The following BMPR1B variants were observed in gnomAD, a reference collection of about 807,000 sequenced individuals.
The protein encoded by BMPR1B is bone morphogenetic protein receptor type 1B, also known as bone morphogenetic protein receptor type-1B.
Under a neutral mutation model 59.1 loss-of-function variants are expected in BMPR1B, and 12 were observed. The ratio of observed to expected loss-of-function variants is 0.20; its 90% confidence interval spans 0.13 to 0.33. The LOEUF (loss-of-function observed/expected upper bound fraction) is 0.33, where lower values mean the gene tolerates loss of function less well. Among genes scored for constraint, BMPR1B ranks in the 10% least tolerant of loss-of-function variants. The pLI, the probability that BMPR1B is intolerant of heterozygous loss-of-function variation, is 1.00. For synonymous variants in BMPR1B, 237 were observed against 207.3 expected (o/e 1.14, Z -1.23); for missense variants, 550 against 610.9 (o/e 0.90, Z 1.05).
At chr4:95,074,659 A>T (rs898669493) in intron 3 of BMPR1B, among the ~76,000 whole-genome samples, 3 of 152,152 alleles carry the variant, frequency 2.0e-5, no homozygotes, top group Admixed American at 1.3e-4. Context: ...ATATATATTC[A>T]GTCACTTTCA....
chr4:95,082,789 A>T (rs1729260947), intron 3 of BMPR1B, among the ~76,000 whole-genome samples: 1 of 152,166 alleles, frequency 6.6e-6, no homozygotes, highest in South Asian at 2.1e-4. Context: ...CTGTAATCCC[A>T]GCACTTTGGG....
chr4:94,966,536 G>GA (rs1190357064), intron 2 of BMPR1B, among the ~76,000 whole-genome samples: 2 of 151,922 alleles, frequency 1.3e-5, no homozygotes, highest in South Asian at 2.1e-4. Context: ...AAAGAATAAA[G>GA]AAAAAAATGC....
chr4:95,079,123 C>T (rs966834305), intron 3 of BMPR1B, among the ~76,000 whole-genome samples: 1 of 152,158 alleles, frequency 6.6e-6, no homozygotes. Context: ...TAGAAAAACC[C>T]AGCTGTATTT....
intron 1 of BMPR1B, among the ~76,000 whole-genome samples, chr4:94,761,404 G>T (rs969513734): frequency 7.0e-6 from 1 of 141,934 alleles, no homozygotes; most frequent in South Asian, 2.3e-4. Flanking sequence ...TACATTTTCC[G>T]CTGTATAATT....
At chr4:95,122,857 C>CA (rs1257885653) in intron 6 of BMPR1B, among the ~76,000 whole-genome samples, 3 of 152,062 alleles carry the variant, frequency 2.0e-5, no homozygotes, top group African/African-American at 7.2e-5. Context: ...TCATAAATTA[C>CA]AATACTACCT....
At position 95,012,039 on chromosome 4, in the gene BMPR1B, C is replaced by A. The variant is rs997632691; in HGVS notation, c.-18+15905C>A. The stretch of plus-strand genomic sequence containing the variant: ...GTGTCAAAAACAACAACAACAACAA[C>A]AAAAAAAAAAAAGAAAGAAAAAGAA... On this transcript the variant is annotated intron_variant, in intron 3 of 12. Transcript: ENST00000515059. 2.5e-3 allele frequency among the ~76,000 whole-genome samples: 345 copies of A among 139,944 alleles called. 2 individuals carry two copies. The highest frequency in any genetic ancestry group is 8.4e-3 in the South Asian group (36 of 4,280). The allele number at this position is 139,944 out of a possible 152,430, so 91.8% of individuals were successfully genotyped here.
chr4:94,885,738 CT>C (rs1473954005), intron 2 of BMPR1B, among the ~76,000 whole-genome samples: 2 of 152,066 alleles, frequency 1.3e-5, no homozygotes, highest in African/African-American at 4.8e-5. Context: ...AGAGCTCAAT[CT>C]AATTATTTAA....
intron 1 of BMPR1B, among the ~76,000 whole-genome samples, chr4:94,828,647 T>A (rs1257289624): frequency 6.6e-6 from 1 of 152,082 alleles, no homozygotes; most frequent in Non-Finnish European, 1.5e-5. Flanking sequence ...GAATGGATAT[T>A]TTTTTTCCCT....
At chr4:94,885,509 C>T (rs1727138760) in intron 2 of BMPR1B, among the ~76,000 whole-genome samples, 1 of 152,034 alleles carries the variant, frequency 6.6e-6, no homozygotes, top group Non-Finnish European at 1.5e-5. Context: ...TTTTTAACTG[C>T]AGCCATTGGT....
chr4:94,772,935 G>T (rs1275726956), intron 1 of BMPR1B, among the ~76,000 whole-genome samples: 1 of 152,010 alleles, frequency 6.6e-6, no homozygotes, highest in Non-Finnish European at 1.5e-5. Flanking sequence ...ATATAATAAG[G>T]AAGGACTAGT....
chr4:94,788,833 C>T (rs991301673), intron 1 of BMPR1B, among the ~76,000 whole-genome samples: 6 of 152,212 alleles, frequency 3.9e-5, no homozygotes, highest in African/African-American at 9.6e-5. Flanking sequence ...TTCTGCATCA[C>T]GCCTGCCCAA....
chr4:94,936,243 T>G (rs1320743735), intron 2 of BMPR1B, among the ~76,000 whole-genome samples: 1 of 152,150 alleles, frequency 6.6e-6, no homozygotes, highest in African/African-American at 2.4e-5. Flanking sequence ...CATAAAATGA[T>G]TTTTTATGCC....
intron 3 of BMPR1B, among the ~76,000 whole-genome samples, chr4:95,086,699 T>G (rs1480542264): frequency 6.6e-6 from 1 of 152,160 alleles, no homozygotes; most frequent in Non-Finnish European, 1.5e-5. Flanking sequence ...TTTTAAAAAA[T>G]TAGTCAGCAT....
At chr4:94,952,665 G>A (rs1729992562) in intron 2 of BMPR1B, among the ~76,000 whole-genome samples, 1 of 152,158 alleles carries the variant, frequency 6.6e-6, no homozygotes, top group African/African-American at 2.4e-5. Flanking sequence ...TTGCTGAGGA[G>A]TGTTGTACTT....
intron 9 of BMPR1B, 56 bp downstream of exon 9, chr4:95,130,110 C>G (rs1733215221): frequency 1.3e-6 from 2 of 1,571,752 alleles, no homozygotes; most frequent in Admixed American, 3.4e-5. Context: ...CTCTGTCTTT[C>G]TGTTAACATC....
chr4:94,871,384 C>T (rs987856576), intron 1 of BMPR1B, among the ~76,000 whole-genome samples: 5 of 152,158 alleles, frequency 3.3e-5, no homozygotes, highest in African/African-American at 9.7e-5. Flanking sequence ...TAAGGCTTCA[C>T]ATGCATTTCA....
intron 2 of BMPR1B, among the ~76,000 whole-genome samples, chr4:94,958,466 T>C (rs906284620): frequency 6.6e-6 from 1 of 152,154 alleles, no homozygotes; most frequent in Admixed American, 6.6e-5. Context: ...TCCTTGGCTT[T>C]CATTTGGCTA....
intron 1 of BMPR1B, among the ~76,000 whole-genome samples, chr4:94,832,776 C>T (rs1724651622): frequency 6.6e-6 from 1 of 151,360 alleles, no homozygotes; most frequent in Non-Finnish European, 1.5e-5. Flanking sequence ...GAGTAATGCT[C>T]CGTCTCAAAA....
At chr4:95,018,029 G>C (rs1002765090) in intron 3 of BMPR1B, among the ~76,000 whole-genome samples, 1 of 152,150 alleles carries the variant, frequency 6.6e-6, no homozygotes, top group Non-Finnish European at 1.5e-5. Context: ...AAAAGGCTGA[G>C]AAGCGATAAT....
Sources: allele counts gnomAD v4.1 joint callset (sites outside exome capture counted in the v4.1 genomes callset), GRCh38; gene constraint gnomAD v4.1.1; transcripts MANE v1.5; gene names NCBI Gene and HGNC (gene_info 2026-07-23, HGNC 2026-07-21).